ZNG1E: variants seen among roughly 807,000 people sequenced by gnomAD.
ZNG1E encodes the protein zinc-regulated GTPase metalloprotein activator 1E.
the ZNG1E span, among the ~76,000 whole-genome samples, chr9:65,662,677 T>C: frequency 6.6e-6 from 1 of 151,652 alleles, no homozygotes; most frequent in African/African-American, 2.4e-5. Context: ...AGAAAGCAAG[T>C]AAGAAAATCA....
chr9:65,657,821 G>C, the ZNG1E span, among the ~76,000 whole-genome samples: 6 of 152,384 alleles, frequency 3.9e-5, no homozygotes, highest in Non-Finnish European at 8.8e-5. Context: ...TAAAATGCCT[G>C]CCGGGCACAT....
chr9:65,662,046 C>T, the ZNG1E span, among the ~76,000 whole-genome samples: 102 of 142,928 alleles, frequency 7.1e-4, no homozygotes, highest in Middle Eastern at 7.7e-3. Context: ...CAGTAATTTT[C>T]TTGTGGCAGA....
chr9:65,682,418 TAAAC>T, the ZNG1E span: 1 of 192,320 alleles, frequency 5.2e-6, no homozygotes, highest in Non-Finnish European at 1.1e-5. Context: ...GCTATTATAT[TAAAC>T]TACTATAGTT....
the ZNG1E span, among the ~76,000 whole-genome samples, chr9:65,668,227 A>C: frequency 1.2e-4 from 18 of 151,978 alleles, no homozygotes; most frequent in African/African-American, 4.1e-4. Flanking sequence ...ACTTAGTCTA[A>C]ACAGGAATAT....
At chr9:65,659,538 A>T in the ZNG1E span, among the ~76,000 whole-genome samples, 1 of 151,462 alleles carries the variant, frequency 6.6e-6, no homozygotes, top group African/African-American at 2.4e-5. Context: ...ATTCCAACCC[A>T]GAATTCTCAA....
chr9:65,714,510 A>G, the ZNG1E span, among the ~76,000 whole-genome samples: 2 of 151,568 alleles, frequency 1.3e-5, no homozygotes, highest in East Asian at 1.9e-4. Flanking sequence ...CCATCTTTGC[A>G]GTTTTCATCT....
At chr9:65,662,695 T>C in the ZNG1E span, among the ~76,000 whole-genome samples, 1 of 152,108 alleles carries the variant, frequency 6.6e-6, no homozygotes, top group Non-Finnish European at 1.5e-5. Context: ...TCAGTGGTTG[T>C]AGAGAAGTTC....
the ZNG1E span, among the ~76,000 whole-genome samples, chr9:65,685,218 T>A: frequency 1.3e-5 from 2 of 152,270 alleles, no homozygotes; most frequent in Non-Finnish European, 2.9e-5. Flanking sequence ...TGGTAGAGGG[T>A]CTTGTCACAA....
At chr9:65,658,114 A>AAC in the ZNG1E span, among the ~76,000 whole-genome samples, 1 of 137,946 alleles carries the variant, frequency 7.2e-6, no homozygotes, top group African/African-American at 2.9e-5. Context: ...AAAAAAAAAA[A>AAC]AACTTATGTT....
chr9:65,684,753 T>C, the ZNG1E span, among the ~76,000 whole-genome samples: 1 of 152,194 alleles, frequency 6.6e-6, no homozygotes, highest in Non-Finnish European at 1.5e-5. Flanking sequence ...GCAAGCTGTT[T>C]TTAATAAGCC....
the ZNG1E span, among the ~76,000 whole-genome samples, chr9:65,659,191 C>T: frequency 6.6e-6 from 1 of 152,146 alleles, no homozygotes; most frequent in South Asian, 2.1e-4. Context: ...CAGAGCAGTG[C>T]CTACCACATT....
chr9:65,693,131 A>G, the ZNG1E span, among the ~76,000 whole-genome samples: 2 of 152,380 alleles, frequency 1.3e-5, no homozygotes, highest in South Asian at 4.1e-4. Context: ...TAAAATTTAA[A>G]AAGTACATAT....
chr9:65,708,259 T>C, the ZNG1E span: 1 of 146,468 alleles, frequency 6.8e-6, no homozygotes, highest in East Asian at 1.9e-4. Context: ...CTAATGCTAA[T>C]TGTGATATGT....
the ZNG1E span, among the ~76,000 whole-genome samples, chr9:65,686,604 C>T: frequency 6.6e-6 from 1 of 152,186 alleles, no homozygotes; most frequent in African/African-American, 2.4e-5. Context: ...CATTGCACTC[C>T]AGCCTGGGTG....
At chr9:65,722,564 A>G in the ZNG1E span, among the ~76,000 whole-genome samples, 1 of 68,696 alleles carries the variant, frequency 1.5e-5, no homozygotes, top group Admixed American at 2.1e-4. Flanking sequence ...CTCCGGCTAG[A>G]GTCTCACCCA....
the ZNG1E span, among the ~76,000 whole-genome samples, chr9:65,655,633 G>A: frequency 6.6e-6 from 1 of 152,254 alleles, no homozygotes. Flanking sequence ...GCTAATTTTT[G>A]TATTTTTTGT....
At chr9:65,667,218 C>T in the ZNG1E span, among the ~76,000 whole-genome samples, 1 of 152,320 alleles carries the variant, frequency 6.6e-6, no homozygotes, top group South Asian at 2.1e-4. Flanking sequence ...CATCTTTCTT[C>T]TAGCATCAGT....
chr9:65,660,406 TG>T, the ZNG1E span, among the ~76,000 whole-genome samples: 1 of 148,492 alleles, frequency 6.7e-6, no homozygotes, highest in Admixed American at 6.8e-5. Context: ...TGAGTAGGAA[TG>T]AAAAAAGAAT....
the ZNG1E span, among the ~76,000 whole-genome samples, chr9:65,684,478 G>A: frequency 2.6e-5 from 4 of 152,208 alleles, no homozygotes; most frequent in South Asian, 2.1e-4. Context: ...CGGAGGTTGC[G>A]GTGAGCCGAG....
Sources: allele counts gnomAD v4.1 joint callset (sites outside exome capture counted in the v4.1 genomes callset), GRCh38; gene constraint gnomAD v4.1.1; transcripts MANE v1.5; gene names NCBI Gene and HGNC (gene_info 2026-07-23, HGNC 2026-07-21).